PIEZO1: variants seen among roughly 807,000 people sequenced by gnomAD.
The protein encoded by PIEZO1 is piezo type mechanosensitive ion channel component 1 (Er blood group).
A neutral mutation model predicts 297.2 loss-of-function variants in PIEZO1; 296 were observed. The ratio of observed to expected loss-of-function variants is 1.00; its 90% confidence interval spans 0.91 to 1.10. PIEZO1 has a LOEUF of 1.10. Ranked by LOEUF, PIEZO1 falls within the 50% of genes least tolerant of loss-of-function variation. The probability of loss-of-function intolerance (pLI) is 0.00; values close to 1 mark genes in which losing one functional copy is unlikely to be tolerated. For synonymous variants in PIEZO1, 2,427 were observed against 1,507.5 expected, an observed-to-expected ratio of 1.61 and a Z score of -14.13; for missense variants, 5,018 against 3,455.5, an observed-to-expected ratio of 1.45 and a Z score of -11.34.
At chr16:88,726,191 C>G in intron 27 of PIEZO1, 93 bp downstream of exon 27, 1 of 1,110,118 alleles carries the variant, frequency 9.0e-7, no homozygotes, top group South Asian at 1.6e-5. Flanking sequence ...GCCTGCCCTC[C>G]ACGGGCCGGG....
chr16:88,732,543 G>C lies in PIEZO1; in HGVS notation c.2791-8C>G. The C allele has an allele frequency of 6.5e-7, 1 of 1,545,138 alleles. No individual in the cohort carries two copies. The highest frequency in any genetic ancestry group is 8.8e-7 in the Non-Finnish European group (1 of 1,142,816). ...CAGCACTTGCAGGTGGTTCTGCGGA[G>C]GGCAAGGGTCAGGGGGCAGCCGGGT... On this transcript the variant is annotated splice_region_variant and splice_polypyrimidine_tract_variant and intron_variant, in intron 20 of 50. Coordinates refer to ENST00000301015, the MANE Select transcript of PIEZO1 (RefSeq NM_001142864.4).
chr16:88,784,462 G>C lies in PIEZO1; in HGVS notation c.64+439C>G, dbSNP rs1017929087. On this transcript the variant is annotated intron_variant, in intron 1 of 50. Transcript: ENST00000301015. The stretch of plus-strand genomic sequence containing the variant: ...CAGGAAGCCCGCCTTCTCCCAGATT[G>C]TCAGGAAGTCCTGATGCAACTTTGC... Among the ~76,000 whole-genome samples the C allele has an allele frequency of 3.9e-5, 6 of 152,074 alleles. No individual in the cohort carries two copies. The East Asian group carries it at 5.8e-4, about 15-fold the overall frequency.
intron 12 of PIEZO1, 37 bp from the exon 13 acceptor site, chr16:88,735,283 G>T (rs1182573225): frequency 7.0e-6 from 10 of 1,427,796 alleles, no homozygotes; most frequent in Non-Finnish European, 8.7e-6. Flanking sequence ...CAGCCGGGGG[G>T]CCCAGCACCC....
In PIEZO1 at chr16:88,715,836, C is replaced by T. The variant is rs756509858; in HGVS notation, c.7335G>A (p.Val2445=). 4.5e-6 allele frequency: 7 copies of T among 1,550,188 alleles called. No homozygotes were observed. Among genetic ancestry groups the T allele is most frequent in the Admixed American group, 3.9e-5 (2 of 51,012 alleles). The change falls in exon 51 of 51, where the codon GTG becomes GTA. Residue 2445 remains valine, a synonymous_variant. Coordinates refer to ENST00000301015, the MANE Select transcript of PIEZO1 (RefSeq NM_001142864.4). ...LAGYGIMGLY[V]SIVLVIGKFV... ...ACTTGCCGATGACCAGCACGATGGA[C>T]ACGTACAGCCCCATGATGCTGCGGG...
In PIEZO1 at chr16:88,716,598, G is replaced by T. The variant is rs554886303; in HGVS notation, c.6887C>A (p.Thr2296Lys). 20 of 1,548,478 alleles carry T rather than the reference G, an allele frequency of 1.3e-5. No homozygotes were observed. Among genetic ancestry groups the T allele is most frequent in the Non-Finnish European group, 1.7e-5 (19 of 1,145,882 alleles). ...AQMKRELYNGTADITLRFTWN... is the reference protein window; with the variant it reads ...AQMKRELYNGKADITLRFTWN... ...GGTGAAGCGCAGGGTGATGTCGGCC[G>T]TGCCGTTGTAGAGCTCCCGCTTCAT... Residue 2296 changes from threonine to lysine, a missense_variant, in exon 47 of 51, where the codon ACG becomes AAG. Physicochemically the swap from Thr to Lys is moderately conservative, Grantham distance 78. Coordinates refer to ENST00000301015, the MANE Select transcript of PIEZO1 (RefSeq NM_001142864.4).
Position 88,727,639 on chromosome 16 carries a change from C to T in PIEZO1, c.3219G>A (p.Arg1073=), listed in dbSNP as rs760377363. 2.0e-6 allele frequency: 3 copies of T among 1,492,506 alleles called. No homozygotes were observed. The highest frequency in any genetic ancestry group is 1.3e-5 in the South Asian group (1 of 77,724). 92.5% of individuals were successfully genotyped at this position (1,492,506 alleles called of 1,614,324 possible). Residue 1073 remains arginine, a synonymous_variant, in exon 23 of 51, where the codon CGG becomes CGA. Coordinates refer to ENST00000301015, the MANE Select transcript of PIEZO1 (RefSeq NM_001142864.4). ...LCIDYPWRWS[R]AVPMNSALIK... is the part of the protein sequence containing the mutation. Reference sequence around the variant, plus strand: ...TGAGTGCGGAGTTCATGGGGACGGCCCGGCTCCAGCGCCAGGGATAATCTG... The same window carrying T: ...TGAGTGCGGAGTTCATGGGGACGGCTCGGCTCCAGCGCCAGGGATAATCTG...
Position 88,749,450 on chromosome 16 carries a change from G to C in PIEZO1, c.94C>G (p.Leu32Val). Residue 32 changes from leucine (L) to valine (V), a missense_variant, in exon 2 of 51, where the codon CTG becomes GTG. Coordinates refer to ENST00000301015, the MANE Select transcript of PIEZO1 (RefSeq NM_001142864.4). ...AGCAGCAGGAAGAGCAGGTAGACCA[G>C]CGAGAGTCCGCTGAAGCGGAGCAGG... is the stretch of plus-strand genomic sequence containing the variant. The part of the protein sequence containing the change: ...ACLLRFSGLS[L>V]VYLLFLLLLP... The C allele has an allele frequency of 6.6e-7, 1 of 1,524,280 alleles. No homozygotes were observed. Among genetic ancestry groups the C allele is most frequent in the South Asian group, 1.2e-5 (1 of 81,688 alleles). 94.4% of individuals were successfully genotyped at this position (1,524,280 alleles called of 1,614,324 possible).
At chr16:88,748,775 G>A (rs1597471113) in intron 2 of PIEZO1, among the ~76,000 whole-genome samples, 1 of 151,988 alleles carries the variant, frequency 6.6e-6, no homozygotes, top group African/African-American at 2.4e-5. Context: ...ATGAAAATAA[G>A]AAACTTTGAT....
intron 1 of PIEZO1, among the ~76,000 whole-genome samples, chr16:88,767,338 G>A (rs1196091414): frequency 4.6e-5 from 7 of 152,158 alleles, no homozygotes; most frequent in Admixed American, 4.6e-4. Context: ...AGGTCAGGGG[G>A]CTGTGCTGGG....
rs1219364090 is a variant in PIEZO1, at chr16:88,719,751, G to A, written c.6324-30C>T. On this transcript the variant is annotated intron_variant, in intron 43 of 50. Coordinates refer to ENST00000301015, the MANE Select transcript of PIEZO1 (RefSeq NM_001142864.4). ...CCACAGCCAGGGTTCCCGTCAGGTGGGCTCCCTCATGCCCGGGCCGTGACC... is the reference window on the plus strand; with the variant it reads ...CCACAGCCAGGGTTCCCGTCAGGTGAGCTCCCTCATGCCCGGGCCGTGACC... 2.6e-6 allele frequency: 4 copies of A among 1,550,314 alleles called. No individual in the cohort carries two copies. In the East Asian group the frequency reaches 7.3e-5, roughly 28 times the overall value.
At chr16:88,758,372 C>T (rs1466961267) in intron 1 of PIEZO1, among the ~76,000 whole-genome samples, 1 of 152,224 alleles carries the variant, frequency 6.6e-6, no homozygotes, top group East Asian at 1.9e-4. Context: ...CAGCAGTGGC[C>T]TGGCCTGGGG....
rs1444487780 is a variant in PIEZO1, at chr16:88,735,047, G to A, written c.1676C>T (p.Thr559Met). ...TEVTVADTEP[T>M]RTQTLLQSLG... is the part of the protein sequence containing the mutation. ...GCTCTGCAACAGCGTCTGCGTCCGC[G>A]TGGGCTCTGTGGGCCAAGCCAGGGG... Residue 559 changes from threonine (T) to methionine (M), a missense_variant, in exon 14 of 51, where the codon ACG becomes ATG. By Grantham distance (81) the Thr-to-Met change is moderately conservative. Transcript: ENST00000301015. 1.0e-5 allele frequency: 16 copies of A among 1,550,202 alleles called. No individual in the cohort carries two copies. Among genetic ancestry groups the A allele is most frequent in the Non-Finnish European group, 1.2e-5 (14 of 1,146,914 alleles).
At chr16:88,777,250 CG>C (rs1174463292) in intron 1 of PIEZO1, among the ~76,000 whole-genome samples, 3 of 152,264 alleles carry the variant, frequency 2.0e-5, no homozygotes, top group Non-Finnish European at 4.4e-5. Flanking sequence ...GGATTACCGG[CG>C]TGAGCCACCA....
Position 88,722,359 on chromosome 16 carries a change from T to C in PIEZO1, c.4814A>G (p.Asp1605Gly), listed in dbSNP as rs1270138666. The change falls in exon 36 of 51, where the codon GAC (aspartate) becomes GGC (glycine). Residue 1605 changes from aspartate to glycine, a missense_variant. Coordinates refer to ENST00000301015, the MANE Select transcript of PIEZO1 (RefSeq NM_001142864.4). ...GGTGCTCAGGGGGCTGCCCATGTCG[T>C]CTGTCATGCTGCTGAGTGGCTCCTC... ...GAEEPLSSMT[D>G]DMGSPLSTGY... is the part of the protein sequence containing the mutation. 6.5e-6 allele frequency: 10 copies of C among 1,528,952 alleles called. No individual in the cohort carries two copies. The highest frequency in any genetic ancestry group is 2.5e-5 in the East Asian group (1 of 40,714). The allele number at this position is 1,528,952 out of a possible 1,614,324, so 94.7% of individuals were successfully genotyped here.
intron 2 of PIEZO1, chr16:88,745,867 TG>T (rs1256292687): frequency 6.6e-6 from 1 of 151,800 alleles, no homozygotes; most frequent in Non-Finnish European, 1.5e-5. Context: ...TGACAGAGCA[TG>T]GACCTCCCCC....
rs1311955260 is a variant in PIEZO1 at position 88,722,877 on chromosome 16, A to C, written c.4628T>G (p.Leu1543Arg). ...TRHHGTMSDV[L>R]RAERYLLTQE... ...TGTGAGGAGGTAGCGCTCTGCCCGC[A>C]GCACGTCGCTCATGGTGCCGTGGTG... is the stretch of plus-strand genomic sequence containing the variant. The change falls in exon 34 of 51, where the codon CTG becomes CGG. Residue 1543 changes from leucine (L) to arginine (R), a missense_variant. By Grantham distance (102) the Leu-to-Arg change is moderately radical. Coordinates refer to ENST00000301015, the MANE Select transcript of PIEZO1 (RefSeq NM_001142864.4). The C allele has an allele frequency of 6.5e-7, 1 of 1,548,606 alleles. No individual in the cohort carries two copies. The highest frequency in any genetic ancestry group is 2.0e-5 in the Admixed American group (1 of 51,010).
rs574260561 is a variant in PIEZO1 at position 88,738,394 on chromosome 16, G to A, written c.681C>T (p.Phe227=). The A allele has an allele frequency of 9.1e-6, 14 of 1,535,874 alleles. No homozygotes were observed. The highest frequency in any genetic ancestry group is 8.2e-5 in the African/African-American group (6 of 73,176). ...SALSSVYLLL[F]LALCTWWACH... ...AGGCCCACCAGGTGCAGAGGGCCAG[G>A]AAGAGCAGCAGGTAGACACTGGAGA... The change falls in exon 7 of 51, where the codon TTC becomes TTT. Residue 227 remains phenylalanine, a synonymous_variant. Transcript: ENST00000301015.
At chr16:88,751,050 G>C (rs948872870) in intron 1 of PIEZO1, among the ~76,000 whole-genome samples, 3 of 152,088 alleles carry the variant, frequency 2.0e-5, no homozygotes, top group Non-Finnish European at 4.4e-5. Flanking sequence ...GGGAGGCCAT[G>C]CGTGCCACCA....
intron 7 of PIEZO1, 60 bp downstream of exon 7, chr16:88,738,167 A>G: frequency 1.3e-6 from 2 of 1,534,240 alleles, no homozygotes; most frequent in Non-Finnish European, 1.7e-6. Flanking sequence ...CAGGGGCTAG[A>G]CGAGCCAGGT....
Sources: allele counts gnomAD v4.1 joint callset (sites outside exome capture counted in the v4.1 genomes callset), GRCh38; gene constraint gnomAD v4.1.1; transcripts MANE v1.5; gene names NCBI Gene and HGNC (gene_info 2026-07-23, HGNC 2026-07-21).